The following BTBD16 variants were observed in gnomAD, a reference collection of about 807,000 sequenced individuals.
BTBD16 encodes the protein BTB/POZ domain-containing protein 16.
A neutral mutation model predicts 67.4 loss-of-function variants in BTBD16; 66 were observed. The observed-to-expected ratio is 0.98, with a 90% CI of 0.80 to 1.20. BTBD16 has a LOEUF of 1.20. Ranked by LOEUF, BTBD16 falls within the 50% of genes most tolerant of loss-of-function variation. BTBD16 has a pLI of 0.00. For synonymous variants in BTBD16, 242 were observed against 236.4 expected (o/e 1.02, Z -0.22); for missense variants, 634 against 616.0 (o/e 1.03, Z -0.31).
intron 13 of BTBD16, among the ~76,000 whole-genome samples, chr10:122,334,203 T>TTTA (rs2096459403): frequency 6.7e-6 from 1 of 149,594 alleles, no homozygotes; most frequent in Non-Finnish European, 1.5e-5. Flanking sequence ...ACTTTTTTTT[T>TTTA]TTTTTTTTTT....
intron 11 of BTBD16, among the ~76,000 whole-genome samples, chr10:122,330,705 A>G (rs1008287720): frequency 2.0e-5 from 3 of 152,090 alleles, no homozygotes; most frequent in South Asian, 2.1e-4. Flanking sequence ...TTGTTTGTAT[A>G]AGGTGGTTTT....
intron 10 of BTBD16, among the ~76,000 whole-genome samples, chr10:122,323,502 A>G (rs571048726): frequency 2.0e-5 from 3 of 152,320 alleles, no homozygotes; most frequent in Non-Finnish European, 4.4e-5. Flanking sequence ...GACTGCTAGA[A>G]GGGTGGAGAA....
At chr10:122,327,464 C>T (rs962878240) in intron 10 of BTBD16, 6 of 379,930 alleles carry the variant, frequency 1.6e-5, no homozygotes, top group African/African-American at 2.2e-5. Context: ...CCCAAGGCAC[C>T]ACCTGTGGCT....
intron 4 of BTBD16, 22 bp from the exon 5 acceptor site, chr10:122,286,083 C>T (rs777272706): frequency 6.2e-7 from 1 of 1,606,002 alleles, no homozygotes; most frequent in South Asian, 1.1e-5. Flanking sequence ...TGTGTTTGCT[C>T]AGCATCATTT....
chr10:122,297,286 G>A (rs984226113), intron 7 of BTBD16, among the ~76,000 whole-genome samples: 3 of 152,110 alleles, frequency 2.0e-5, no homozygotes, highest in African/African-American at 4.8e-5. Context: ...GGGTGGGTGA[G>A]CCAAATCAAC....
intron 3 of BTBD16, among the ~76,000 whole-genome samples, chr10:122,281,925 C>T (rs74159103): frequency 0.037 from 5,599 of 152,304 alleles, 335 homozygotes; most frequent in African/African-American, 0.13. Flanking sequence ...CCAGCATCCC[C>T]GCACCAAGCA....
intron 8 of BTBD16, 124 bp from the exon 9 acceptor site, chr10:122,298,880 A>C: frequency 3.2e-6 from 4 of 1,247,310 alleles, no homozygotes; most frequent in Non-Finnish European, 4.4e-6. Context: ...TGTATTTTGT[A>C]GAAAAGGTTT....
chr10:122,332,754 G>A, intron 13 of BTBD16: 1 of 899,232 alleles, frequency 1.1e-6, no homozygotes, highest in Non-Finnish European at 1.3e-6. Flanking sequence ...AGTCCTGGTG[G>A]TACTGGAATG....
In BTBD16 at chr10:122,328,749, G is replaced by T. The variant is rs888955749; in HGVS notation, c.912-731G>T. ...ATTTATGAAAAGTGACCATTTTTGTGAAGTGAGTTATTTCAAAAGAAGGGC... is the reference window on the plus strand; with the variant it reads ...ATTTATGAAAAGTGACCATTTTTGTTAAGTGAGTTATTTCAAAAGAAGGGC... On this transcript the variant is annotated intron_variant, in intron 10 of 15. Transcript: ENST00000260723. 15 of 985,398 alleles carry T rather than the reference G, an allele frequency of 1.5e-5. No individual in the cohort carries two copies. The African/African-American group carries it at 2.4e-4, about 16-fold the overall frequency. The allele number at this position is 985,398 out of a possible 1,614,324, so 61.0% of individuals were successfully genotyped here.
At chr10:122,288,444 A>G (rs1028827755) in intron 5 of BTBD16, among the ~76,000 whole-genome samples, 20 of 152,174 alleles carry the variant, frequency 1.3e-4, no homozygotes, top group African/African-American at 4.8e-4. Context: ...CTCTTTCTTT[A>G]TAGTTGCACA....
rs114683361 is a variant in BTBD16 at position 122,324,101 on chromosome 10, T to C, written c.912-5379T>C. Among the ~76,000 whole-genome samples the C allele has an allele frequency of 3.7e-3, 570 of 152,352 alleles. 2 individuals are homozygous for C. Among genetic ancestry groups the C allele is most frequent in the African/African-American group, 0.013 (546 of 41,578 alleles). On this transcript the variant is annotated intron_variant, in intron 10 of 15. Coordinates refer to ENST00000260723, the MANE Select transcript of BTBD16 (RefSeq NM_144587.5). ...CCTGATTCTCCAGCTGAGTCTCTTC[T>C]TTCCTGTGCCCTACCCAAATCTGAC...
At chr10:122,333,989 T>C (rs2096458947) in intron 13 of BTBD16, among the ~76,000 whole-genome samples, 1 of 152,180 alleles carries the variant, frequency 6.6e-6, no homozygotes, top group African/African-American at 2.4e-5. Flanking sequence ...ATAGAATTTT[T>C]TTTTAACTCA....
intron 5 of BTBD16, among the ~76,000 whole-genome samples, chr10:122,289,536 C>T (rs1237337549): frequency 1.3e-5 from 2 of 152,004 alleles, no homozygotes; most frequent in African/African-American, 2.4e-5. Context: ...GTCAGGAGTT[C>T]GAGACCAGCC....
chr10:122,278,163 C>T lies in BTBD16; in HGVS notation c.167+1224C>T, dbSNP rs562501777. On this transcript the variant is annotated intron_variant, in intron 3 of 15. Coordinates refer to ENST00000260723, the MANE Select transcript of BTBD16 (RefSeq NM_144587.5). ...GGCCTAGGAACAGAGGCAAAATGAT[C>T]CCAAAAGCTGATGAGAGGGTCTGGG... is the stretch of plus-strand genomic sequence containing the variant. 1.1e-4 allele frequency among the ~76,000 whole-genome samples: 16 copies of T among 152,276 alleles called. No individual in the cohort carries two copies. In the East Asian group the frequency reaches 2.7e-3, roughly 26 times the overall value.
chr10:122,309,668 G>A (rs1342225634), intron 10 of BTBD16, among the ~76,000 whole-genome samples: 2 of 151,952 alleles, frequency 1.3e-5, no homozygotes, highest in African/African-American at 2.4e-5. Flanking sequence ...TAGAAACAGG[G>A]CCACTCTGTT....
chr10:122,273,893 C>T (rs2096334655), intron 1 of BTBD16, among the ~76,000 whole-genome samples: 2 of 152,222 alleles, frequency 1.3e-5, no homozygotes, highest in African/African-American at 4.8e-5. Flanking sequence ...AAAGAAAAAC[C>T]TGTCTGCCCA....
chr10:122,290,955 G>A lies in BTBD16; in HGVS notation c.476-125G>A, dbSNP rs749183085. ...TTCTGGGCGGTGCCTGCATCCAGGT[G>A]AGAGGTGGCGCATTTTCTCTAAGGG... is the stretch of plus-strand genomic sequence containing the variant. On this transcript the variant is annotated intron_variant, in intron 6 of 15. Transcript: ENST00000260723. 5.7e-4 allele frequency: 774 copies of A among 1,361,444 alleles called. 2 individuals carry two copies. The highest frequency in any genetic ancestry group is 2.5e-4 in the Non-Finnish European group (259 of 1,034,926). The allele number at this position is 1,361,444 out of a possible 1,614,324, so 84.3% of individuals were successfully genotyped here.
chr10:122,325,801 G>A (rs2096443595), intron 10 of BTBD16, among the ~76,000 whole-genome samples: 1 of 151,814 alleles, frequency 6.6e-6, no homozygotes, highest in Admixed American at 6.6e-5. Flanking sequence ...TCAGCCACCC[G>A]AGTAGCTGGG....
chr10:122,328,682 C>T (rs940255850), intron 10 of BTBD16: 42 of 880,952 alleles, frequency 4.8e-5, no homozygotes, highest in Non-Finnish European at 5.3e-5. Flanking sequence ...GGAGTGACTG[C>T]ATTTCCAAAG....
Sources: gnomAD v4.1 joint callset for allele counts (sites outside exome capture counted in the v4.1 genomes callset) on GRCh38, gnomAD v4.1.1 for gene constraint, MANE v1.5 for transcripts, NCBI Gene and HGNC (gene_info 2026-07-23, HGNC 2026-07-21) for gene names.